Variants in INO80D observed in about 807,000 individuals in gnomAD.
INO80D encodes INO80 complex subunit D.
INO80D carries 21 observed loss-of-function variants against 87.6 expected under a neutral mutation model. That is an observed-to-expected ratio of 0.24 (90% CI 0.17 to 0.35). The LOEUF is 0.35. Ranked by LOEUF, INO80D falls within the 10% of genes least tolerant of loss-of-function variation. The pLI is 1.00. For synonymous variants in INO80D, 440 were observed against 491.0 expected, an observed-to-expected ratio of 0.90 and a Z score of 1.37; for missense variants, 982 against 1,280.7, an observed-to-expected ratio of 0.77 and a Z score of 3.56.
In INO80D at chr2:206,056,282, A is replaced by C; in HGVS notation, c.880T>G (p.Phe294Val). 1 of 1,613,938 alleles carries C rather than the reference A, an allele frequency of 6.2e-7. No homozygotes were observed. The highest frequency in any genetic ancestry group is 8.5e-7 in the Non-Finnish European group (1 of 1,179,864). ...LMKATAFSPH[F>V]SCISRLQRLV... Reference sequence around the variant, plus strand: ...CTCTGCAGTCGGCTTATACATGAGAAGTGTGGAGAGAAGGCTGTGGCTTTC... The same window carrying C: ...CTCTGCAGTCGGCTTATACATGAGACGTGTGGAGAGAAGGCTGTGGCTTTC... The change falls in exon 4 of 11, where the codon TTC becomes GTC. Residue 294 changes from phenylalanine to valine, a missense_variant. By Grantham distance (50) the Phe-to-Val change is conservative. Coordinates refer to ENST00000403263, the MANE Select transcript of INO80D (RefSeq NM_017759.5).
chr2:206,080,834 T>C (rs1369646125), intron 1 of INO80D, among the ~76,000 whole-genome samples: 35 of 126,702 alleles, frequency 2.8e-4, no homozygotes, highest in Non-Finnish European at 9.3e-5. Flanking sequence ...ACCCGGGAGG[T>C]GAAGCTTGCA....
Position 206,082,314 on chromosome 2 carries a change from C to T in INO80D, c.-124+3587G>A, listed in dbSNP as rs898101213. Among the ~76,000 whole-genome samples, 11 of 152,350 alleles carry T rather than the reference C, an allele frequency of 7.2e-5. No homozygotes were observed. In the East Asian group the frequency reaches 1.9e-3, roughly 27 times the overall value. Reference sequence around the variant, plus strand: ...GGATTACAGGCGTGAGCCACCACGCCCGGCCTAAAAACTCATCTTAAAAAC... The same window carrying T: ...GGATTACAGGCGTGAGCCACCACGCTCGGCCTAAAAACTCATCTTAAAAAC... On this transcript the variant is annotated intron_variant, in intron 1 of 10. Transcript: ENST00000403263.
intron 1 of INO80D, among the ~76,000 whole-genome samples, chr2:206,067,452 AAGG>A (rs1417689265): frequency 6.6e-6 from 1 of 152,090 alleles, no homozygotes; most frequent in Non-Finnish European, 1.5e-5. Context: ...GAATAGCTAG[AAGG>A]AGGATATTGA....
chr2:206,065,070 T>G (rs1324199701), intron 1 of INO80D, among the ~76,000 whole-genome samples: 1 of 152,110 alleles, frequency 6.6e-6, no homozygotes, highest in African/African-American at 2.4e-5. Context: ...CATACGAAAA[T>G]CAACTTAAAA....
intron 3 of INO80D, among the ~76,000 whole-genome samples, chr2:206,060,219 A>T (rs1487537164): frequency 1.3e-5 from 2 of 151,948 alleles, no homozygotes; most frequent in African/African-American, 2.4e-5. Flanking sequence ...AAAAAAAAGA[A>T]AAGAAAGACA....
chr2:206,003,982 A>G lies in INO80D; in HGVS notation c.*386T>C. 4.3e-6 allele frequency: 1 copy of G among 232,828 alleles called. No individual in the cohort carries two copies. Among genetic ancestry groups the G allele is most frequent in the South Asian group, 8.0e-5 (1 of 12,426 alleles). The allele number at this position is 232,828 out of a possible 1,614,324, so 14.4% of individuals were successfully genotyped here. On this transcript the variant is annotated 3_prime_UTR_variant, in exon 11 of 11. Coordinates refer to ENST00000403263, the MANE Select transcript of INO80D (RefSeq NM_017759.5). ...AATTAATAAGATCATTCTATCTAGAACCACCTATGTAAAAACCTGGCAACA... is the reference window on the plus strand; with the variant it reads ...AATTAATAAGATCATTCTATCTAGAGCCACCTATGTAAAAACCTGGCAACA...
chr2:206,046,343 C>G (rs142174824), intron 5 of INO80D, among the ~76,000 whole-genome samples, 161 bp downstream of exon 5: 1 of 152,134 alleles, frequency 6.6e-6, no homozygotes, highest in Admixed American at 6.6e-5. Flanking sequence ...TCAAAACCAG[C>G]CTGGCCAACA....
intron 8 of INO80D, among the ~76,000 whole-genome samples, chr2:206,013,272 G>A (rs544974289): frequency 6.4e-4 from 97 of 152,218 alleles, no homozygotes; most frequent in Non-Finnish European, 1.1e-3. Context: ...GGTTATAGGA[G>A]GCCAGGCGCG....
intron 1 of INO80D, among the ~76,000 whole-genome samples, chr2:206,082,840 T>C (rs1438273444): frequency 2.0e-5 from 3 of 152,228 alleles, no homozygotes; most frequent in Non-Finnish European, 4.4e-5. Flanking sequence ...TAATTTTGGG[T>C]GCTCTCAGAA....
intron 8 of INO80D, among the ~76,000 whole-genome samples, chr2:206,014,725 G>C (rs1170823449): frequency 6.6e-6 from 1 of 152,032 alleles, no homozygotes; most frequent in Non-Finnish European, 1.5e-5. Flanking sequence ...GTAGAGTGGG[G>C]TGCTGCTGAA....
chr2:206,043,620 TG>T, intron 5 of INO80D, among the ~76,000 whole-genome samples: 1 of 152,284 alleles, frequency 6.6e-6, no homozygotes, highest in Admixed American at 6.5e-5. Context: ...CCCAAGTAGC[TG>T]GGACTACAGG....
intron 8 of INO80D, among the ~76,000 whole-genome samples, chr2:206,010,747 A>C (rs1394190190): frequency 6.6e-6 from 1 of 152,178 alleles, no homozygotes; most frequent in African/African-American, 2.4e-5. Flanking sequence ...TTACAGATTA[A>C]GTCACAAATA....
chr2:206,076,154 G>T (rs961104135), intron 1 of INO80D, among the ~76,000 whole-genome samples: 1 of 151,194 alleles, frequency 6.6e-6, no homozygotes, highest in South Asian at 2.1e-4. Flanking sequence ...GAGCCCAGGA[G>T]TTCAACACCA....
Position 206,056,423 on chromosome 2 carries a change from G to C in INO80D, c.739C>G (p.Pro247Ala). 6.2e-7 allele frequency: 1 copy of C among 1,613,948 alleles called. No homozygotes were observed. The highest frequency in any genetic ancestry group is 1.7e-5 in the Admixed American group (1 of 59,994). ...GCTTGTGCTATAGTGTGTGTGGTGG[G>C]TGCCACTCCCTGCATTGGTAGGCTG... Reference protein sequence around the residue: ...NTSLPMQGVAPTTHTIAQARQ... With the variant: ...NTSLPMQGVAATTHTIAQARQ... The change falls in exon 4 of 11, where the codon CCC (proline) becomes GCC (alanine). Residue 247 changes from proline (P) to alanine (A), a missense_variant. By Grantham distance (27) the Pro-to-Ala change is conservative. Transcript: ENST00000403263.
chr2:206,043,089 C>T (rs1260307028), intron 5 of INO80D, among the ~76,000 whole-genome samples: 3 of 152,216 alleles, frequency 2.0e-5, no homozygotes, highest in Admixed American at 6.5e-5. Context: ...CTTTTAAAAA[C>T]TCAATGAACT....
rs555506692 is a variant in INO80D, at chr2:206,034,287, C to T, written c.1074-5952G>A. On this transcript the variant is annotated intron_variant, in intron 5 of 10. Transcript: ENST00000403263. ...CCCTAATACCAAAACCAGGACATAA[C>T]CAAAAAAGAAAACCACAGACCGATA... Among the ~76,000 whole-genome samples, 18 of 152,060 alleles carry T rather than the reference C, an allele frequency of 1.2e-4. 1 individual carries two copies. In the East Asian group the frequency reaches 3.3e-3, roughly 28 times the overall value.
At position 206,004,115 on chromosome 2, in the gene INO80D, C is replaced by T; in HGVS notation, c.*253G>A. 1.9e-6 allele frequency: 1 copy of T among 539,880 alleles called. No individual in the cohort carries two copies. Among genetic ancestry groups the T allele is most frequent in the Non-Finnish European group, 3.3e-6 (1 of 300,760 alleles). The allele number at this position is 539,880 out of a possible 1,614,324, so 33.4% of individuals were successfully genotyped here. On this transcript the variant is annotated 3_prime_UTR_variant, in exon 11 of 11. Transcript: ENST00000403263. The surrounding 1 kb of genome is among the most constrained non-coding windows in gnomAD (Gnocchi z 4.9). Reference sequence around the variant, plus strand: ...GCTAAAAATCAATCCTATCCAGTCACTGTGCTGAACCACTAAGGAAACCAC... The same window carrying T: ...GCTAAAAATCAATCCTATCCAGTCATTGTGCTGAACCACTAAGGAAACCAC...
chr2:206,075,653 G>T (rs972307777), intron 1 of INO80D, among the ~76,000 whole-genome samples: 1 of 151,534 alleles, frequency 6.6e-6, no homozygotes, highest in African/African-American at 2.4e-5. Context: ...GGCCAGGCTG[G>T]TCTCAAACTC....
rs1045236378 is a variant in INO80D at position 206,026,855 on chromosome 2, C to G, written c.1298+1256G>C. On this transcript the variant is annotated intron_variant, in intron 6 of 10. Transcript: ENST00000403263. The stretch of plus-strand genomic sequence containing the variant: ...TCTACATTTCTGATATACAGATTTT[C>G]ACGAATGGAATATTATGTAAACATT... Among the ~76,000 whole-genome samples the G allele has an allele frequency of 2.6e-5, 4 of 151,970 alleles. No individual in the cohort carries two copies. In the East Asian group the frequency reaches 7.7e-4, roughly 29 times the overall value.
Sources: gnomAD v4.1 joint callset for allele counts (sites outside exome capture counted in the v4.1 genomes callset) on GRCh38, gnomAD v4.1.1 for gene constraint, Gnocchi (gnomAD v3.1) non-coding constraint, MANE v1.5 for transcripts, NCBI Gene and HGNC (gene_info 2026-07-23, HGNC 2026-07-21) for gene names.